KCNH7: variants seen among roughly 807,000 people sequenced by gnomAD.
KCNH7 encodes the protein potassium voltage-gated channel subfamily H member 7.
A neutral mutation model predicts 120.8 loss-of-function variants in KCNH7; 49 were observed. The observed-to-expected ratio is 0.41, with a 90% confidence interval of 0.32 to 0.51. KCNH7 has a LOEUF of 0.51. KCNH7 is among the 20% of genes least tolerant of loss of function. KCNH7 has a pLI of 0.38. For synonymous variants in KCNH7, 547 were observed against 516.1 expected, an observed-to-expected ratio of 1.06 and a Z score of -0.81; for missense variants, 1,097 against 1,446.6, an observed-to-expected ratio of 0.76 and a Z score of 3.92.
chr2:162,501,465 T>C (rs868165665), intron 6 of KCNH7, among the ~76,000 whole-genome samples: 2 of 152,044 alleles, frequency 1.3e-5, no homozygotes, highest in African/African-American at 4.8e-5. Context: ...CTCTGGGGTC[T>C]TTCTGTGGGC....
At chr2:162,592,240 C>G (rs1372759062) in intron 2 of KCNH7, among the ~76,000 whole-genome samples, 2 of 152,008 alleles carry the variant, frequency 1.3e-5, no homozygotes, top group Non-Finnish European at 2.9e-5. Flanking sequence ...AGGTTTCACC[C>G]ACAATCTGCA....
chr2:162,590,082 T>C (rs1694158993), intron 2 of KCNH7, among the ~76,000 whole-genome samples: 3 of 152,078 alleles, frequency 2.0e-5, no homozygotes, highest in African/African-American at 7.2e-5. Context: ...TCTAAGTGAG[T>C]AACTCTGGGT....
intron 2 of KCNH7, among the ~76,000 whole-genome samples, chr2:162,575,687 C>G (rs1294055708): frequency 1.3e-5 from 2 of 152,066 alleles, no homozygotes; most frequent in Non-Finnish European, 2.9e-5. Context: ...CAGGTTCTGG[C>G]CACTATTATC....
In KCNH7 at chr2:162,814,651, G is replaced by T. The variant is rs116546405; in HGVS notation, c.307+21886C>A. Among the ~76,000 whole-genome samples the T allele has an allele frequency of 1.3e-5, 2 of 151,992 alleles. 1 individual carries two copies. The highest frequency in any genetic ancestry group is 2.9e-5 in the Non-Finnish European group (2 of 67,998). On this transcript the variant is annotated intron_variant, in intron 2 of 15. Coordinates refer to ENST00000332142, the MANE Select transcript of KCNH7 (RefSeq NM_033272.4). ...CTGCTATCAATTATTCATCACTCTC[G>T]CCTCAGCTCCAAATAGAACAGTAAA...
At chr2:162,577,774 T>A (rs1289141096) in intron 2 of KCNH7, among the ~76,000 whole-genome samples, 1 of 152,052 alleles carries the variant, frequency 6.6e-6, no homozygotes, top group East Asian at 1.9e-4. Context: ...TTTTTCTCCA[T>A]AGAGTGAACT....
At chr2:162,758,417 TAA>T (rs967064121) in intron 2 of KCNH7, among the ~76,000 whole-genome samples, 9 of 152,088 alleles carry the variant, frequency 5.9e-5, no homozygotes, top group African/African-American at 2.2e-4. Flanking sequence ...AAAAGTAACT[TAA>T]AGTTTGTATG....
At chr2:162,769,505 T>C (rs923102863) in intron 2 of KCNH7, among the ~76,000 whole-genome samples, 1 of 152,130 alleles carries the variant, frequency 6.6e-6, no homozygotes, top group Admixed American at 6.6e-5. Flanking sequence ...ATACTGCTAT[T>C]GCAACCGGCT....
intron 2 of KCNH7, among the ~76,000 whole-genome samples, chr2:162,598,542 T>C (rs1366313142): frequency 6.6e-6 from 1 of 152,122 alleles, no homozygotes; most frequent in East Asian, 1.9e-4. Flanking sequence ...GGGATATGTA[T>C]TTTATGTGCA....
intron 2 of KCNH7, among the ~76,000 whole-genome samples, chr2:162,701,097 A>C (rs2105343148): frequency 6.6e-6 from 1 of 152,318 alleles, no homozygotes; most frequent in East Asian, 1.9e-4. Flanking sequence ...ATTATAGTAC[A>C]GTCAATGAAT....
intron 2 of KCNH7, chr2:162,784,545 G>A (rs562907855): frequency 7.9e-5 from 12 of 152,172 alleles, no homozygotes; most frequent in Admixed American, 4.6e-4. Context: ...AATTAACTTC[G>A]TGTTAAGTGG....
At chr2:162,535,486 A>G (rs1326990105) in intron 3 of KCNH7, among the ~76,000 whole-genome samples, 39 of 151,728 alleles carry the variant, frequency 2.6e-4, no homozygotes, top group Admixed American at 2.6e-3. Flanking sequence ...GTTACATGCC[A>G]AGGAGCAAAG....
intron 2 of KCNH7, among the ~76,000 whole-genome samples, chr2:162,814,098 A>G (rs899338969): frequency 2.0e-5 from 3 of 152,168 alleles, no homozygotes; most frequent in Admixed American, 2.0e-4. Flanking sequence ...TGGTTTCAGC[A>G]TTTACAAAAT....
chr2:162,401,558 A>C (rs749274504), intron 9 of KCNH7, among the ~76,000 whole-genome samples: 1 of 151,948 alleles, frequency 6.6e-6, no homozygotes, highest in Admixed American at 6.6e-5. Flanking sequence ...AGGAACTTCA[A>C]ATTAAATCAT....
intron 2 of KCNH7, among the ~76,000 whole-genome samples, chr2:162,758,265 G>A (rs1046906725): frequency 2.0e-5 from 3 of 152,080 alleles, no homozygotes; most frequent in Admixed American, 2.0e-4. Context: ...GAGATCCTGG[G>A]CAGATATAAA....
At chr2:162,796,322 C>T (rs542131693) in intron 2 of KCNH7, 4 of 151,744 alleles carry the variant, frequency 2.6e-5, no homozygotes, top group Admixed American at 1.3e-4. Context: ...GGGATCAGGA[C>T]GAAACCCAGC....
At chr2:162,388,972 T>C (rs572283783) in intron 12 of KCNH7, among the ~76,000 whole-genome samples, 2 of 152,098 alleles carry the variant, frequency 1.3e-5, no homozygotes, top group Admixed American at 1.3e-4. Context: ...AAAGTTTTCT[T>C]CCCTACTCTT....
At chr2:162,774,101 T>A (rs924861136) in intron 2 of KCNH7, among the ~76,000 whole-genome samples, 2 of 152,146 alleles carry the variant, frequency 1.3e-5, no homozygotes, top group Non-Finnish European at 2.9e-5. Flanking sequence ...GGATATACCA[T>A]GAAATACAAA....
intron 12 of KCNH7, among the ~76,000 whole-genome samples, chr2:162,386,831 T>C (rs1028422254): frequency 2.0e-5 from 3 of 151,758 alleles, no homozygotes; most frequent in Non-Finnish European, 1.5e-5. Flanking sequence ...CATGCTGGGC[T>C]TCAGTCTTAG....
At position 162,446,418 on chromosome 2, in the gene KCNH7, A is replaced by G. The variant is rs1293841619; in HGVS notation, c.1154T>C (p.Leu385Pro). 1 of 1,611,846 alleles carries G rather than the reference A, an allele frequency of 6.2e-7. No homozygotes were observed. Among genetic ancestry groups the G allele is most frequent in the Non-Finnish European group, 8.5e-7 (1 of 1,178,668 alleles). Reference sequence around the variant, plus strand: ...TGGTGTCTGCAGTTTGTATTCAGGTAGGACATCTGCTCCTAAAGAGAGAAC... The same window carrying G: ...TGGTGTCTGCAGTTTGTATTCAGGTGGGACATCTGCTCCTAAAGAGAGAAC... ...TQVLSLGADVLPEYKLQTPRI... is the reference protein window; with the variant it reads ...TQVLSLGADVPPEYKLQTPRI... Residue 385 changes from leucine (L) to proline (P), a missense_variant, in exon 7 of 16, where the codon CTA becomes CCA. Physicochemically the swap from Leu to Pro is moderately conservative, Grantham distance 98 (BLOSUM62 -3). Coordinates refer to ENST00000332142, the MANE Select transcript of KCNH7 (RefSeq NM_033272.4).
Sources: allele counts gnomAD v4.1 joint callset (sites outside exome capture counted in the v4.1 genomes callset), GRCh38; gene constraint gnomAD v4.1.1; transcripts MANE v1.5; gene names NCBI Gene and HGNC (gene_info 2026-07-23, HGNC 2026-07-21).